The following ARHGAP24 variants were observed in gnomAD, a reference collection of about 807,000 sequenced individuals.
The protein encoded by ARHGAP24 is Rho GTPase activating protein 24.
In ARHGAP24, 50 loss-of-function variants were observed where a neutral mutation model predicts 76.4. The ratio of observed to expected loss-of-function variants is 0.65; its 90% CI spans 0.52 to 0.83. The LOEUF is 0.83. ARHGAP24 is among the 40% of genes least tolerant of loss of function. ARHGAP24 has a pLI of 0.00. For synonymous variants in ARHGAP24, 345 were observed against 323.3 expected (o/e 1.07, Z -0.72); for missense variants, 930 against 914.2 (o/e 1.02, Z -0.22).
chr4:85,557,926 C>T (rs775114279), intron 1 of ARHGAP24, among the ~76,000 whole-genome samples: 14 of 152,026 alleles, frequency 9.2e-5, no homozygotes, highest in Non-Finnish European at 1.6e-4. Flanking sequence ...TGAATCATTC[C>T]CTTTCCTCAG....
chr4:85,994,823 G>A lies in ARHGAP24; in HGVS notation c.1169G>A (p.Gly390Glu). ...ESPQRSSMNN[G>E]SPTALSGSKT... ...CCCCAGAGAAGCAGCATGAACAATG[G>A]ATCCCCCACAGCTCTATCAGGCAGC... Residue 390 changes from glycine to glutamate, a missense_variant, in exon 9 of 10, where the codon GGA becomes GAA. Transcript: ENST00000395184. 6.2e-7 allele frequency: 1 copy of A among 1,614,106 alleles called. No homozygotes were observed.
chr4:85,765,507 G>T (rs1726898852), intron 3 of ARHGAP24, among the ~76,000 whole-genome samples: 1 of 151,998 alleles, frequency 6.6e-6, no homozygotes, highest in Non-Finnish European at 1.5e-5. Flanking sequence ...GTCATGAAAA[G>T]GGTTTATATA....
intron 2 of ARHGAP24, among the ~76,000 whole-genome samples, chr4:85,689,784 A>G (rs1723561856): frequency 6.6e-6 from 1 of 152,200 alleles, no homozygotes; most frequent in African/African-American, 2.4e-5. Context: ...TAGGGTTTAT[A>G]GGTATAGAAT....
chr4:85,639,367 A>G (rs1315849245), intron 2 of ARHGAP24, among the ~76,000 whole-genome samples: 1 of 152,094 alleles, frequency 6.6e-6, no homozygotes, highest in Non-Finnish European at 1.5e-5. Context: ...TGTTATCCTG[A>G]GTATTACATT....
intron 2 of ARHGAP24, among the ~76,000 whole-genome samples, chr4:85,642,240 C>A (rs1177236555): frequency 6.6e-6 from 1 of 152,086 alleles, no homozygotes; most frequent in Non-Finnish European, 1.5e-5. Flanking sequence ...TTTTCCAAGG[C>A]CTGTTTTTAA....
rs527886276 is a variant in ARHGAP24 at position 85,874,763 on chromosome 4, TAA to T, written c.269-48884_269-48883del. ...ACTTAAATGGAATATATATTTTATA[TAA>T]TTTATATATAAAATATATTTATATA... On this transcript the variant is annotated intron_variant, in intron 3 of 9. Transcript: ENST00000395184. 6.1e-3 allele frequency among the ~76,000 whole-genome samples: 511 copies of T among 83,944 alleles called. 1 individual carries two copies. Among genetic ancestry groups the T allele is most frequent in the East Asian group, 0.024 (70 of 2,938 alleles). The allele number at this position is 83,944 out of a possible 152,430, so 55.1% of individuals were successfully genotyped here. A position where few individuals can be genotyped will look rare whatever the true frequency, so the allele number is the denominator to read the frequency against.
intron 3 of ARHGAP24, among the ~76,000 whole-genome samples, chr4:85,728,232 CAAA>C (rs143928362): frequency 3.3e-3 from 296 of 90,524 alleles, no homozygotes; most frequent in African/African-American, 5.0e-3. Context: ...ATCCTTTTGC[CAAA>C]AAAAAAAAAA....
At chr4:85,691,820 G>A (rs1338595413) in intron 2 of ARHGAP24, among the ~76,000 whole-genome samples, 1 of 152,118 alleles carries the variant, frequency 6.6e-6, no homozygotes, top group African/African-American at 2.4e-5. Context: ...TTTAAGTGGG[G>A]CATTTTGGCC....
intron 3 of ARHGAP24, among the ~76,000 whole-genome samples, chr4:85,746,433 ATACT>A (rs1230985347): frequency 1.2e-4 from 19 of 152,270 alleles, no homozygotes; most frequent in Admixed American, 2.6e-4. Context: ...CAACTCCAAA[ATACT>A]TAATTTCAAG....
intron 3 of ARHGAP24, among the ~76,000 whole-genome samples, chr4:85,787,663 C>A (rs1481525781): frequency 6.6e-6 from 1 of 151,988 alleles, no homozygotes; most frequent in Non-Finnish European, 1.5e-5. Context: ...CCACTAAGAG[C>A]AAATAATGCA....
intron 1 of ARHGAP24, among the ~76,000 whole-genome samples, chr4:85,548,835 C>G (rs765805815): frequency 3.8e-4 from 58 of 152,192 alleles, no homozygotes; most frequent in Non-Finnish European, 7.2e-4. Context: ...GTATATACCC[C>G]TCAGGAGTAG....
At chr4:85,662,793 G>A (rs1202967782) in intron 2 of ARHGAP24, among the ~76,000 whole-genome samples, 1 of 152,122 alleles carries the variant, frequency 6.6e-6, no homozygotes. Flanking sequence ...CCCATTGCTT[G>A]TTTTTCTCAG....
intron 1 of ARHGAP24, among the ~76,000 whole-genome samples, chr4:85,562,775 C>T (rs1276079348): frequency 1.3e-5 from 2 of 152,104 alleles, no homozygotes; most frequent in East Asian, 3.8e-4. Flanking sequence ...TCAGGAATGG[C>T]GTGATTGGGA....
intron 2 of ARHGAP24, among the ~76,000 whole-genome samples, chr4:85,630,675 A>G (rs1274407920): frequency 6.6e-6 from 1 of 152,152 alleles, no homozygotes; most frequent in Non-Finnish European, 1.5e-5. Context: ...ATGGGTGCCA[A>G]TCATATGAGT....
chr4:85,509,801 G>A (rs913084302), intron 1 of ARHGAP24, among the ~76,000 whole-genome samples: 1 of 151,822 alleles, frequency 6.6e-6, no homozygotes, highest in Admixed American at 6.6e-5. Flanking sequence ...GTTTAATTAT[G>A]TTCACATTTA....
chr4:85,847,910 A>G (rs1365069258), intron 3 of ARHGAP24, among the ~76,000 whole-genome samples: 3 of 152,140 alleles, frequency 2.0e-5, no homozygotes, highest in African/African-American at 7.2e-5. Flanking sequence ...AATGCATCCC[A>G]GTGCTGCAGA....
At position 85,877,442 on chromosome 4, in the gene ARHGAP24, T is replaced by C. The variant is rs185373392; in HGVS notation, c.269-46206T>C. Among the ~76,000 whole-genome samples, 614 of 151,608 alleles carry C rather than the reference T, an allele frequency of 4.0e-3. 6 individuals are homozygous for C. The highest frequency in any genetic ancestry group is 0.014 in the African/African-American group (569 of 41,300). ...GAATTTGAGACCAGCCTGGGCAACA[T>C]TGCAAAATCCCATCTCTACAAAAAC... On this transcript the variant is annotated intron_variant, in intron 3 of 9. Coordinates refer to ENST00000395184, the MANE Select transcript of ARHGAP24 (RefSeq NM_001025616.3).
At chr4:85,779,285 GA>G (rs927630404) in intron 3 of ARHGAP24, among the ~76,000 whole-genome samples, 9 of 152,256 alleles carry the variant, frequency 5.9e-5, no homozygotes, top group African/African-American at 1.7e-4. Context: ...GTTGGATAAA[GA>G]TAAATATACT....
At chr4:85,669,908 C>A (rs1722767611) in intron 2 of ARHGAP24, among the ~76,000 whole-genome samples, 1 of 151,614 alleles carries the variant, frequency 6.6e-6, no homozygotes, top group Non-Finnish European at 1.5e-5. Flanking sequence ...CTAAATTATC[C>A]ACTTGGGTAG....
Sources: gnomAD v4.1 joint callset for allele counts (sites outside exome capture counted in the v4.1 genomes callset) on GRCh38, gnomAD v4.1.1 for gene constraint, MANE v1.5 for transcripts, NCBI Gene and HGNC (gene_info 2026-07-23, HGNC 2026-07-21) for gene names.